Variants in E2F6 observed in about 807,000 individuals in gnomAD.
The protein encoded by E2F6 is transcription factor E2F6.
A neutral mutation model predicts 31.5 loss-of-function variants in E2F6; 19 were observed. That is an observed-to-expected ratio of 0.60 (90% confidence interval 0.42 to 0.89). The LOEUF is 0.89. Ranked by LOEUF, E2F6 falls within the 40% of genes least tolerant of loss-of-function variation. E2F6 has a pLI of 0.00. For missense variants in E2F6, 269 were observed against 341.6 expected (o/e 0.79, Z 1.67); for synonymous variants, 121 against 127.7 (o/e 0.95, Z 0.36).
intron 5 of E2F6, among the ~76,000 whole-genome samples, chr2:11,448,509 G>A (rs183336675): frequency 6.6e-6 from 1 of 152,256 alleles, no homozygotes; most frequent in Non-Finnish European, 1.5e-5. Flanking sequence ...ACCTCATTGT[G>A]ATCTTATACC....
intron 1 of E2F6, among the ~76,000 whole-genome samples, chr2:11,459,143 A>G (rs992617571): frequency 1.3e-4 from 20 of 152,072 alleles, no homozygotes; most frequent in African/African-American, 3.6e-4. Flanking sequence ...AAACACACAT[A>G]AACAAACATC....
At chr2:11,453,974 C>G (rs1057267931) in intron 2 of E2F6, among the ~76,000 whole-genome samples, 176 bp from the exon 3 acceptor site, 1 of 152,188 alleles carries the variant, frequency 6.6e-6, no homozygotes, top group African/African-American at 2.4e-5. Context: ...AAAAAATTCA[C>G]TGGCCTATCC....
At chr2:11,465,178 C>CAAAAAAAAAAAA (rs59561027) in intron 1 of E2F6, among the ~76,000 whole-genome samples, 17 of 88,542 alleles carry the variant, frequency 1.9e-4, no homozygotes, top group East Asian at 3.6e-4. Flanking sequence ...AACTCAATCT[C>CAAAAAAAAAAAA]AAAAAAAAAA....
At chr2:11,461,171 T>C (rs1286671074) in intron 1 of E2F6, among the ~76,000 whole-genome samples, 2 of 152,010 alleles carry the variant, frequency 1.3e-5, no homozygotes, top group Admixed American at 1.3e-4. Flanking sequence ...CCACTGTAGG[T>C]GGAAATGCTA....
In E2F6 at chr2:11,445,656, A is replaced by G. The variant is rs925868159; in HGVS notation, c.*821T>C. On this transcript the variant is annotated 3_prime_UTR_variant, in exon 7 of 7. Coordinates refer to ENST00000381525, the MANE Select transcript of E2F6 (RefSeq NM_198256.4). The stretch of plus-strand genomic sequence containing the variant: ...TTCATGTTTCACAATGAATTCAGCT[A>G]TTTCCTGATGGCATTTCTATCCTTG... The G allele has an allele frequency of 1.3e-5, 2 of 152,138 alleles. No individual in the cohort carries two copies. The highest frequency in any genetic ancestry group is 4.8e-5 in the African/African-American group (2 of 41,416). The allele number at this position is 152,138 out of a possible 1,614,324, so 9.4% of individuals were successfully genotyped here.
chr2:11,451,453 C>T (rs1028165880), intron 4 of E2F6, 198 bp downstream of exon 4: 22 of 406,114 alleles, frequency 5.4e-5, no homozygotes, highest in Admixed American at 4.8e-4. Context: ...CAGATTCAAG[C>T]GATTCTCCTG....
intron 1 of E2F6, among the ~76,000 whole-genome samples, chr2:11,457,707 T>C (rs921199243): frequency 6.6e-6 from 1 of 152,214 alleles, no homozygotes; most frequent in African/African-American, 2.4e-5. Context: ...ACACTGTCCC[T>C]GACTTGGGAA....
At chr2:11,465,445 G>A (rs1460088500) in intron 1 of E2F6, among the ~76,000 whole-genome samples, 1 of 152,084 alleles carries the variant, frequency 6.6e-6, no homozygotes, top group East Asian at 1.9e-4. Context: ...TGGGAGAGGA[G>A]GCAGAAAAAC....
At position 11,444,905 on chromosome 2, in the gene E2F6, GC is replaced by G. The variant is rs1273587712; in HGVS notation, c.*1571del. 6.6e-6 allele frequency: 1 copy of G among 152,206 alleles called. No individual in the cohort carries two copies. Among genetic ancestry groups the G allele is most frequent in the Non-Finnish European group, 1.5e-5 (1 of 68,054 alleles). 9.4% of individuals were successfully genotyped at this position (152,206 alleles called of 1,614,324 possible). On this transcript the variant is annotated 3_prime_UTR_variant, in exon 7 of 7. Transcript: ENST00000381525. ...CACCAGTCCAGTGATGATCAGCAGTGCCCCCTGCAGCTTTTCTTTGGCTAAT... is the reference window on the plus strand; with the variant it reads ...CACCAGTCCAGTGATGATCAGCAGTGCCCCTGCAGCTTTTCTTTGGCTAAT...
At chr2:11,459,915 G>A (rs759274455) in intron 1 of E2F6, among the ~76,000 whole-genome samples, 3 of 152,128 alleles carry the variant, frequency 2.0e-5, no homozygotes, top group Non-Finnish European at 2.9e-5. Context: ...TAGGCAGATT[G>A]TTTGCATGCT....
At position 11,453,778 on chromosome 2, in the gene E2F6, G is replaced by T; in HGVS notation, c.184C>A (p.Pro62Thr). The T allele has an allele frequency of 1.2e-6, 2 of 1,613,972 alleles. No homozygotes were observed. The highest frequency in any genetic ancestry group is 1.1e-5 in the South Asian group (1 of 91,042). Residue 62 changes from proline (P) to threonine (T), a missense_variant, in exon 3 of 7, where the codon CCT (proline) becomes ACT (threonine). Pro to Thr is a conservative substitution (Grantham distance 38, BLOSUM62 -1). Transcript: ENST00000381525. ...TAAACCAGCGATACATCAAAACGAG[G>T]TCTCTTCACTTTTAGAGCTTCTGGG... is the stretch of plus-strand genomic sequence containing the variant. ...SMRKALKVKR[P>T]RFDVSLVYLT...
intron 2 of E2F6, among the ~76,000 whole-genome samples, chr2:11,455,717 G>A (rs1671362964): frequency 1.3e-5 from 2 of 152,106 alleles, no homozygotes; most frequent in South Asian, 2.1e-4. Context: ...GTTGCTGAGG[G>A]GATATGAATA....
At chr2:11,463,080 G>C (rs373186326) in intron 1 of E2F6, among the ~76,000 whole-genome samples, 2 of 152,352 alleles carry the variant, frequency 1.3e-5, no homozygotes, top group African/African-American at 4.8e-5. Context: ...TGCAAACTAA[G>C]TGGTTTTTCC....
chr2:11,462,010 T>C (rs543076474), intron 1 of E2F6, among the ~76,000 whole-genome samples: 2 of 152,244 alleles, frequency 1.3e-5, no homozygotes, highest in Non-Finnish European at 2.9e-5. Context: ...GTTTGTGTCA[T>C]GGACTTCCAG....
intron 1 of E2F6, among the ~76,000 whole-genome samples, chr2:11,462,710 A>G (rs1201544107): frequency 6.6e-6 from 1 of 152,212 alleles, no homozygotes; most frequent in African/African-American, 2.4e-5. Flanking sequence ...CTAAGCGACT[A>G]AGGGCAGGGC....
At chr2:11,451,843 T>C (rs1286547405) in intron 3 of E2F6, 37 bp from the exon 4 acceptor site, 4 of 1,576,022 alleles carry the variant, frequency 2.5e-6, no homozygotes, top group Middle Eastern at 1.7e-4. Flanking sequence ...CAATACCAAC[T>C]AGGAGATAAC....
At chr2:11,458,772 C>A (rs764770902) in intron 1 of E2F6, among the ~76,000 whole-genome samples, 1 of 152,178 alleles carries the variant, frequency 6.6e-6, no homozygotes, top group Non-Finnish European at 1.5e-5. Flanking sequence ...TAACAAATCA[C>A]CCCAATATGG....
chr2:11,463,956 G>GGGGC (rs1558464841), intron 1 of E2F6, among the ~76,000 whole-genome samples: 1 of 127,874 alleles, frequency 7.8e-6, no homozygotes, highest in African/African-American at 2.8e-5. Context: ...ACCGGGGGGG[G>GGGGC]GGACAAAAAC....
In E2F6 at chr2:11,465,849, G is replaced by T; in HGVS notation, c.31C>A (p.Pro11Thr). Residue 11 changes from proline (P) to threonine (T), a missense_variant, in exon 1 of 7, where the codon CCC becomes ACC. By Grantham distance (38) the Pro-to-Thr change is conservative. Transcript: ENST00000381525. MSQQRPARKL[P>T]SLLLDPTEET... ...TCCGTCGGGTCCAGGAGGAGACTGGGTAACTTCCTCGCCGGCCGCTGCTGA... is the reference window on the plus strand; with the variant it reads ...TCCGTCGGGTCCAGGAGGAGACTGGTTAACTTCCTCGCCGGCCGCTGCTGA... The T allele has an allele frequency of 6.3e-7, 1 of 1,582,396 alleles. No individual in the cohort carries two copies. Among genetic ancestry groups the T allele is most frequent in the African/African-American group, 1.3e-5 (1 of 74,348 alleles).
Sources: allele counts gnomAD v4.1 joint callset (sites outside exome capture counted in the v4.1 genomes callset), GRCh38; gene constraint gnomAD v4.1.1; transcripts MANE v1.5; gene names NCBI Gene and HGNC (gene_info 2026-07-23, HGNC 2026-07-21).